Variants in TNIK observed in about 807,000 individuals in gnomAD.
TNIK encodes the protein TRAF2 and NCK interacting kinase.
A neutral mutation model predicts 191.3 loss-of-function variants in TNIK; 49 were observed. That is an observed-to-expected ratio of 0.26 (90% CI 0.20 to 0.32). The LOEUF (loss-of-function observed/expected upper bound fraction) is 0.32, where lower values mean the gene tolerates loss of function less well. Among genes scored for constraint, TNIK ranks in the 10% least tolerant of loss-of-function variants. TNIK has a pLI of 1.00. For missense variants in TNIK, 1,155 were observed against 1,702.3 expected, an observed-to-expected ratio of 0.68 and a Z score of 5.66; for synonymous variants, 594 against 600.9, an observed-to-expected ratio of 0.99 and a Z score of 0.17.
In TNIK at chr3:171,063,910, G is replaced by C; in HGVS notation, c.4054C>G (p.Leu1352Val). The change falls in exon 33 of 33, where the codon CTC becomes GTC. Residue 1352 changes from leucine to valine, a missense_variant. Leu to Val is a conservative substitution (Grantham distance 32). Transcript: ENST00000436636. ...GGSSQVFFMT[L>V]NRNSMMNW is the part of the protein sequence containing the mutation. ...CAGTTCATCATGGAATTTCTGTTGA[G>C]GGTCATGAAAAACACTTGGCTACTT... The C allele has an allele frequency of 6.2e-7, 1 of 1,613,780 alleles. No homozygotes were observed. The highest frequency in any genetic ancestry group is 1.1e-5 in the South Asian group (1 of 91,064).
chr3:171,447,097 G>A (rs978146877), intron 1 of TNIK, among the ~76,000 whole-genome samples: 2 of 151,954 alleles, frequency 1.3e-5, no homozygotes, highest in Admixed American at 6.6e-5. Flanking sequence ...AGGCTGAGGC[G>A]GGAGAATCGC....
intron 20 of TNIK, among the ~76,000 whole-genome samples, chr3:171,107,708 G>C (rs1189872172): frequency 6.6e-6 from 1 of 152,186 alleles, no homozygotes; most frequent in Non-Finnish European, 1.5e-5. Context: ...TGGGGAAAGA[G>C]TAGAAGAGAT....
intron 2 of TNIK, among the ~76,000 whole-genome samples, chr3:171,266,079 T>A (rs1259374169): frequency 6.7e-6 from 1 of 150,294 alleles, no homozygotes; most frequent in Non-Finnish European, 1.5e-5. Flanking sequence ...GCTGTCAGGG[T>A]TGAGAGAGGA....
intron 4 of TNIK, among the ~76,000 whole-genome samples, chr3:171,208,104 G>C (rs979102523): frequency 2.6e-5 from 4 of 152,180 alleles, no homozygotes; most frequent in African/African-American, 9.7e-5. Context: ...GCCAAGGCAG[G>C]AGAATTGCTT....
chr3:171,174,735 TAAG>T (rs1048336074), intron 9 of TNIK, among the ~76,000 whole-genome samples: 7 of 152,092 alleles, frequency 4.6e-5, no homozygotes, highest in African/African-American at 1.7e-4. Flanking sequence ...CTGCCCCAAA[TAAG>T]AAGCCAGTAT....
chr3:171,356,722 T>A (rs1421244289), intron 2 of TNIK, among the ~76,000 whole-genome samples: 1 of 152,214 alleles, frequency 6.6e-6, no homozygotes. Context: ...CATGCTCTAC[T>A]ACTTACCTGG....
At chr3:171,451,367 T>A in intron 1 of TNIK, among the ~76,000 whole-genome samples, 1 of 152,204 alleles carries the variant, frequency 6.6e-6, no homozygotes, top group East Asian at 1.9e-4. Context: ...ATCCTCCAGC[T>A]CCAGTCAAGC....
At chr3:171,137,107 C>CTT (rs1213098778) in intron 15 of TNIK, among the ~76,000 whole-genome samples, 1 of 117,636 alleles carries the variant, frequency 8.5e-6, no homozygotes, top group Admixed American at 1.0e-4. Context: ...TTTTAAAAAT[C>CTT]CTTTTTTTTT....
chr3:171,158,985 G>C (rs571099573), intron 11 of TNIK, among the ~76,000 whole-genome samples: 1 of 152,320 alleles, frequency 6.6e-6, no homozygotes, highest in South Asian at 2.1e-4. Flanking sequence ...GAGTGAATGA[G>C]AGGGAGAAGG....
At chr3:171,352,300 C>T (rs1039246205) in intron 2 of TNIK, among the ~76,000 whole-genome samples, 1 of 152,114 alleles carries the variant, frequency 6.6e-6, no homozygotes, top group African/African-American at 2.4e-5. Flanking sequence ...CCAGACAATC[C>T]TCAGAAAAAT....
intron 1 of TNIK, among the ~76,000 whole-genome samples, chr3:171,426,421 G>A (rs1475117985): frequency 1.8e-4 from 20 of 109,554 alleles, no homozygotes; most frequent in Non-Finnish European, 3.2e-4. Context: ...GGGGGGAGGG[G>A]GGAGGGATAG....
chr3:171,268,637 C>T (rs1276639846), intron 2 of TNIK, among the ~76,000 whole-genome samples: 2 of 151,788 alleles, frequency 1.3e-5, no homozygotes, highest in African/African-American at 4.8e-5. Context: ...ACTTCAATCA[C>T]CCCATGAAAT....
At chr3:171,201,845 T>C (rs989422740) in intron 4 of TNIK, among the ~76,000 whole-genome samples, 2 of 152,186 alleles carry the variant, frequency 1.3e-5, no homozygotes, top group Non-Finnish European at 2.9e-5. Context: ...GAATTATATT[T>C]TTCGACTGGG....
chr3:171,094,445 T>C (rs1173557985), intron 22 of TNIK, among the ~76,000 whole-genome samples: 1 of 152,188 alleles, frequency 6.6e-6, no homozygotes, highest in African/African-American at 2.4e-5. Context: ...CAATCTCATA[T>C]TAATTTTAAT....
intron 4 of TNIK, among the ~76,000 whole-genome samples, chr3:171,196,354 A>T (rs1305453617): frequency 1.3e-5 from 2 of 152,180 alleles, no homozygotes; most frequent in Admixed American, 6.5e-5. Context: ...ATAAATAAAT[A>T]AAAAAGTAAA....
intron 18 of TNIK, among the ~76,000 whole-genome samples, chr3:171,115,652 A>T (rs1726574257): frequency 6.6e-6 from 1 of 152,210 alleles, no homozygotes; most frequent in Admixed American, 6.5e-5. Context: ...GACACTGGCC[A>T]AATCAAGTAC....
chr3:171,114,995 C>T (rs917062424), intron 18 of TNIK, among the ~76,000 whole-genome samples: 13 of 152,010 alleles, frequency 8.6e-5, no homozygotes, highest in South Asian at 2.1e-4. Flanking sequence ...TTTTATTAAA[C>T]AATAGTGGTC....
At chr3:171,453,173 TAAAGAAA>T (rs1728391986) in intron 1 of TNIK, among the ~76,000 whole-genome samples, 2 of 152,192 alleles carry the variant, frequency 1.3e-5, no homozygotes, top group Non-Finnish European at 2.9e-5. Context: ...GCCTGCTGTG[TAAAGAAA>T]ACTGGTGAGG....
chr3:171,203,230 C>T lies in TNIK; in HGVS notation c.306+7886G>A, dbSNP rs149043384. 2.1e-3 allele frequency among the ~76,000 whole-genome samples: 317 copies of T among 152,196 alleles called. 5 individuals carry two copies. The highest frequency in any genetic ancestry group is 7.2e-3 in the African/African-American group (301 of 41,526). On this transcript the variant is annotated intron_variant, in intron 4 of 32. Coordinates refer to ENST00000436636, the MANE Select transcript of TNIK (RefSeq NM_015028.4). ...CCAAGACGCTATAACAATGTAAATC[C>T]AAAATACTGCAGAATTAGGTTTAGG...
Sources: allele counts gnomAD v4.1 joint callset (sites outside exome capture counted in the v4.1 genomes callset), GRCh38; gene constraint gnomAD v4.1.1; transcripts MANE v1.5; gene names NCBI Gene and HGNC (gene_info 2026-07-23, HGNC 2026-07-21).